The following PRUNE2 variants were observed in gnomAD, a reference collection of about 807,000 sequenced individuals.
PRUNE2 encodes the protein prune homolog 2 with BCH domain.
In PRUNE2, 164 loss-of-function variants were observed where a neutral mutation model predicts 252.0. The observed-to-expected ratio is 0.65, with a 90% CI of 0.57 to 0.74. The LOEUF is 0.74. Ranked by LOEUF, PRUNE2 falls within the 30% of genes least tolerant of loss-of-function variation. The pLI is 0.00. For missense variants in PRUNE2, 3,495 were observed against 3,711.0 expected (o/e 0.94, Z 1.51); for synonymous variants, 1,292 against 1,350.2 (o/e 0.96, Z 0.94).
Position 76,636,973 on chromosome 9 carries a change from ATGTGTGTGTG to A in PRUNE2, c.8964-426_8964-417del, listed in dbSNP as rs71354667. Among the ~76,000 whole-genome samples the A allele has an allele frequency of 2.3e-3, 334 of 145,504 alleles. 1 individual carries two copies. Among genetic ancestry groups the A allele is most frequent in the Non-Finnish European group, 3.7e-3 (248 of 67,180 alleles). On this transcript the variant is annotated intron_variant, in intron 14 of 18. Transcript: ENST00000376718. Reference sequence around the variant, plus strand: ...TCCAACAACAACGACAACAACAAAAATGTGTGTGTGTGTGTGTGTGTGTGTGTGTGTGTGT... The same window carrying A: ...TCCAACAACAACGACAACAACAAAAATGTGTGTGTGTGTGTGTGTGTGTGT...
chr9:76,743,418 T>A (rs973488702), intron 6 of PRUNE2, among the ~76,000 whole-genome samples: 1 of 152,242 alleles, frequency 6.6e-6, no homozygotes, highest in Non-Finnish European at 1.5e-5. Flanking sequence ...GAATAGTTAA[T>A]GTAGCATTGT....
chr9:76,733,989 T>G (rs958732221), intron 6 of PRUNE2, among the ~76,000 whole-genome samples: 7 of 152,048 alleles, frequency 4.6e-5, no homozygotes, highest in Non-Finnish European at 7.4e-5. Flanking sequence ...AGCCAAAAAC[T>G]AGTTTGATTA....
chr9:76,706,581 C>T lies in PRUNE2; in HGVS notation c.5693G>A (p.Gly1898Asp). 1.2e-6 allele frequency: 2 copies of T among 1,613,890 alleles called. No individual in the cohort carries two copies. Among genetic ancestry groups the T allele is most frequent in the Non-Finnish European group, 1.7e-6 (2 of 1,179,832 alleles). The change falls in exon 8 of 19, where the codon GGT (glycine) becomes GAT (aspartate). Residue 1898 changes from glycine (G) to aspartate (D), a missense_variant. Physicochemically the swap from Gly to Asp is moderately conservative, Grantham distance 94. Coordinates refer to ENST00000376718, the MANE Select transcript of PRUNE2 (RefSeq NM_015225.3). ...TTGCTCATGGGAGTTCTTCCCATTA[C>T]CTTCCAGAAAGGGTGACTGATGGTT... The part of the protein sequence containing the change: ...SDNHQSPFLE[G>D]NGKNSHEQLW...
At chr9:76,714,722 G>A (rs1032040759) in intron 6 of PRUNE2, among the ~76,000 whole-genome samples, 2 of 152,218 alleles carry the variant, frequency 1.3e-5, no homozygotes, top group Non-Finnish European at 2.9e-5. Flanking sequence ...TAACTACAAT[G>A]AGAGCCACTT....
At chr9:76,781,732 G>A (rs2054419885) in intron 6 of PRUNE2, among the ~76,000 whole-genome samples, 1 of 152,178 alleles carries the variant, frequency 6.6e-6, no homozygotes, top group Non-Finnish European at 1.5e-5. Context: ...GTGTATTTTA[G>A]TTCCTTATGT....
At chr9:76,816,163 C>CAAAA (rs71354684) in intron 6 of PRUNE2, among the ~76,000 whole-genome samples, 8 of 84,936 alleles carry the variant, frequency 9.4e-5, no homozygotes, top group African/African-American at 4.0e-4. Flanking sequence ...ACTCCATCTC[C>CAAAA]AAAAAAAAAA....
chr9:76,773,408 C>T (rs7037532), intron 6 of PRUNE2, among the ~76,000 whole-genome samples: 81,636 of 150,508 alleles, frequency 0.54, 23,791 homozygotes, highest in African/African-American at 0.76. Flanking sequence ...ACATTCATCC[C>T]GCAGTCACAT....
intron 18 of PRUNE2, 86 bp downstream of exon 18, chr9:76,619,254 C>CACAGT (rs1831054342): frequency 1.1e-6 from 1 of 873,710 alleles, no homozygotes; most frequent in East Asian, 2.6e-5. Context: ...ACAGGGTTTA[C>CACAGT]CCAGTCCTCA....
chr9:76,889,541 A>G (rs926131324), intron 1 of PRUNE2, among the ~76,000 whole-genome samples: 2 of 151,998 alleles, frequency 1.3e-5, no homozygotes, highest in Non-Finnish European at 2.9e-5. Context: ...GCTGGTCTCA[A>G]ACTCCTGTGC....
intron 6 of PRUNE2, chr9:76,759,086 G>A (rs1288050815): frequency 1.3e-5 from 2 of 152,258 alleles, no homozygotes. Context: ...GGTGGCCACT[G>A]AGCTGACTGA....
intron 9 of PRUNE2, among the ~76,000 whole-genome samples, chr9:76,668,002 C>T (rs932041501): frequency 6.6e-6 from 1 of 152,154 alleles, no homozygotes; most frequent in Non-Finnish European, 1.5e-5. Context: ...AGTCTAACAA[C>T]TTAAATAACA....
intron 1 of PRUNE2, among the ~76,000 whole-genome samples, chr9:76,859,074 C>T (rs2060416193): frequency 6.6e-6 from 1 of 152,142 alleles, no homozygotes; most frequent in Admixed American, 6.5e-5. Flanking sequence ...ATGCCTAAAC[C>T]CAGTGCTCCC....
chr9:76,829,061 T>C (rs961849857), intron 4 of PRUNE2, among the ~76,000 whole-genome samples: 1 of 149,648 alleles, frequency 6.7e-6, no homozygotes, highest in African/African-American at 2.5e-5. Flanking sequence ...AAGGCAATGG[T>C]AAATATGAAT....
At chr9:76,781,626 CTTAAA>C (rs1414679289) in intron 6 of PRUNE2, among the ~76,000 whole-genome samples, 2 of 152,182 alleles carry the variant, frequency 1.3e-5, no homozygotes, top group African/African-American at 4.8e-5. Flanking sequence ...CTTCATAGCA[CTTAAA>C]TTAGTTTGAA....
chr9:76,826,974 G>A (rs1405062031), intron 4 of PRUNE2, among the ~76,000 whole-genome samples: 1 of 151,964 alleles, frequency 6.6e-6, no homozygotes, highest in Non-Finnish European at 1.5e-5. Flanking sequence ...ATACTCTATG[G>A]TACAGAATTC....
intron 6 of PRUNE2, among the ~76,000 whole-genome samples, chr9:76,727,422 A>G (rs1564162641): frequency 6.6e-6 from 1 of 152,210 alleles, no homozygotes; most frequent in Non-Finnish European, 1.5e-5. Context: ...AATTGGCCAA[A>G]TATTTCCTTT....
chr9:76,614,488 C>T lies in PRUNE2; in HGVS notation c.*82G>A. 1 of 1,175,964 alleles carries T rather than the reference C, an allele frequency of 8.5e-7. No individual in the cohort carries two copies. Among genetic ancestry groups the T allele is most frequent in the Non-Finnish European group, 1.3e-6 (1 of 788,026 alleles). The allele number at this position is 1,175,964 out of a possible 1,614,324, so 72.8% of individuals were successfully genotyped here. The stretch of plus-strand genomic sequence containing the variant: ...GGTAGTGCAAAGTGGAAAAAGGTAA[C>T]ATCAGCCCTGTCTCTTTCAGGTAGA... On this transcript the variant is annotated 3_prime_UTR_variant, in exon 19 of 19. Transcript: ENST00000376718.
In PRUNE2 at chr9:76,896,551, T is replaced by C. The variant is rs1024533346; in HGVS notation, c.36+9377A>G. On this transcript the variant is annotated intron_variant, in intron 1 of 18. Coordinates refer to ENST00000376718, the MANE Select transcript of PRUNE2 (RefSeq NM_015225.3). ...TGTTCATACTTGCTTCCTTCTTGAA[T>C]CCTTTCATCGCTTTCTTTTCTCCTA... Among the ~76,000 whole-genome samples the C allele has an allele frequency of 3.0e-4, 46 of 152,332 alleles. 1 individual carries two copies. Among genetic ancestry groups the C allele is most frequent in the Admixed American group, 2.5e-3 (38 of 15,300 alleles).
Position 76,709,765 on chromosome 9 carries a change from CCATGGCCCACT to C in PRUNE2, c.2498_2508del (p.Glu833GlyfsTer19). Reference sequence around the variant, plus strand: ...GAAGAAAAGGCAAACCCACTTTTTGCCATGGCCCACTCATTCGGGTCCCTAACAGAAGGTGT... The same window carrying C: ...GAAGAAAAGGCAAACCCACTTTTTGCCATTCGGGTCCCTAACAGAAGGTGT... On this transcript the variant is annotated frameshift_variant, in exon 8 of 19. Coordinates refer to ENST00000376718, the MANE Select transcript of PRUNE2 (RefSeq NM_015225.3). LOFTEE classifies it high-confidence loss of function. 6.2e-7 allele frequency: 1 copy of C among 1,613,874 alleles called. No homozygotes were observed.
Sources: allele counts gnomAD v4.1 joint callset (sites outside exome capture counted in the v4.1 genomes callset), GRCh38; gene constraint gnomAD v4.1.1; transcripts MANE v1.5; gene names NCBI Gene and HGNC (gene_info 2026-07-23, HGNC 2026-07-21).